The following APP variants were observed in gnomAD, a reference collection of about 807,000 sequenced individuals.
APP encodes the protein amyloid beta precursor protein.
In APP, 31 loss-of-function variants were observed where a neutral mutation model predicts 101.4. The ratio of observed to expected loss-of-function variants is 0.31; its 90% CI spans 0.23 to 0.41. The LOEUF (loss-of-function observed/expected upper bound fraction) is 0.41, where lower values mean the gene tolerates loss of function less well. Among genes scored for constraint, APP ranks in the 10% least tolerant of loss-of-function variants. APP has a pLI of 1.00. For missense variants in APP, 839 were observed against 1,003.7 expected, an observed-to-expected ratio of 0.84 and a Z score of 2.22; for synonymous variants, 366 against 364.4, an observed-to-expected ratio of 1.00 and a Z score of -0.05.
intron 11 of APP, among the ~76,000 whole-genome samples, chr21:25,968,279 C>T (rs1035920524): frequency 1.3e-4 from 19 of 151,374 alleles, no homozygotes; most frequent in Admixed American, 9.2e-4. Flanking sequence ...AGAGTAGCTG[C>T]GACTACAGGC....
intron 2 of APP, among the ~76,000 whole-genome samples, chr21:26,091,855 T>A (rs906693143): frequency 7.2e-5 from 11 of 152,168 alleles, no homozygotes; most frequent in African/African-American, 1.9e-4. Context: ...AACTTCGACC[T>A]GAGAAGGCTA....
intron 2 of APP, among the ~76,000 whole-genome samples, chr21:26,108,741 C>T (rs977828445): frequency 1.3e-5 from 2 of 151,668 alleles, no homozygotes; most frequent in African/African-American, 4.8e-5. Context: ...AAAAAAATCC[C>T]GGCGTGGTGG....
intron 5 of APP, among the ~76,000 whole-genome samples, chr21:26,049,869 T>C (rs992451710): frequency 1.3e-5 from 2 of 152,184 alleles, no homozygotes; most frequent in Non-Finnish European, 2.9e-5. Context: ...ATAAACCTTA[T>C]GGTACTATTT....
chr21:25,908,417 G>A (rs1227553094), intron 14 of APP, among the ~76,000 whole-genome samples: 1 of 152,128 alleles, frequency 6.6e-6, no homozygotes, highest in Non-Finnish European at 1.5e-5. Context: ...ATGATAATGA[G>A]GACTGCATGA....
chr21:25,885,689 C>T (rs7276737), intron 17 of APP, among the ~76,000 whole-genome samples: 26,627 of 152,066 alleles, frequency 0.18, 2,869 homozygotes, highest in African/African-American at 0.31. Flanking sequence ...CTATGACACA[C>T]GCTGAAAAGA....
At position 25,925,388 on chromosome 21, in the gene APP, C is replaced by T. The variant is rs536196017; in HGVS notation, c.1688-13426G>A. 5.9e-5 allele frequency among the ~76,000 whole-genome samples: 9 copies of T among 152,322 alleles called. No homozygotes were observed. In the East Asian group the frequency reaches 1.7e-3, roughly 29 times the overall value. On this transcript the variant is annotated intron_variant, in intron 13 of 17. Transcript: ENST00000346798. ...TGGGAGGCTGGTTCCATGGTTCTTG[C>T]AGTCCCTTCGCTTTGAATCCTTTTG...
At chr21:25,930,505 A>T (rs1479193893) in intron 13 of APP, among the ~76,000 whole-genome samples, 1 of 152,222 alleles carries the variant, frequency 6.6e-6, no homozygotes, top group Admixed American at 6.5e-5. Context: ...ACATCCATAC[A>T]TAGTGAATTT....
intron 13 of APP, among the ~76,000 whole-genome samples, chr21:25,921,085 C>T (rs1271083217): frequency 1.0e-4 from 15 of 144,428 alleles, no homozygotes; most frequent in East Asian, 2.0e-4. Flanking sequence ...CACTCAAAGC[C>T]GCTCAACTAC....
intron 11 of APP, among the ~76,000 whole-genome samples, chr21:25,970,093 T>C (rs1355692971): frequency 6.6e-6 from 1 of 151,960 alleles, no homozygotes; most frequent in African/African-American, 2.4e-5. Context: ...TCAACAACAG[T>C]GATCTGATTT....
intron 5 of APP, among the ~76,000 whole-genome samples, chr21:26,038,696 G>A (rs796078325): frequency 8.5e-5 from 13 of 152,184 alleles, no homozygotes; most frequent in African/African-American, 1.9e-4. Context: ...CTCAGGAGAC[G>A]GAGGTTGCAG....
intron 2 of APP, among the ~76,000 whole-genome samples, chr21:26,094,966 C>A (rs2061908899): frequency 6.6e-6 from 1 of 152,082 alleles, no homozygotes; most frequent in South Asian, 2.1e-4. Context: ...CTGCCTCAGC[C>A]TCCTGAGTAG....
Position 25,949,671 on chromosome 21 carries a change from A to G in APP, c.1687+4919T>C, listed in dbSNP as rs139495976. 5.5e-3 allele frequency among the ~76,000 whole-genome samples: 831 copies of G among 152,302 alleles called. 39 individuals carry two copies. The highest frequency in any genetic ancestry group is 0.047 in the Admixed American group (721 of 15,300). The stretch of plus-strand genomic sequence containing the variant: ...GCTGGATCTTGAGGAGGCAAGGATG[A>G]CCAACATATATCTGGAAGAGTTCAC... On this transcript the variant is annotated intron_variant, in intron 13 of 17. Coordinates refer to ENST00000346798, the MANE Select transcript of APP (RefSeq NM_000484.4).
chr21:26,055,020 A>C (rs1436031569), intron 3 of APP, among the ~76,000 whole-genome samples: 2 of 152,210 alleles, frequency 1.3e-5, no homozygotes, highest in African/African-American at 4.8e-5. Context: ...ATTTAGATAA[A>C]AATCTAAGCA....
intron 15 of APP, among the ~76,000 whole-genome samples, chr21:25,902,220 T>G (rs2038537853): frequency 6.6e-6 from 1 of 152,172 alleles, no homozygotes; most frequent in Non-Finnish European, 1.5e-5. Flanking sequence ...CAACAGTGAT[T>G]ATTCAAAAAC....
intron 1 of APP, among the ~76,000 whole-genome samples, chr21:26,148,114 C>T (rs893528173): frequency 6.6e-6 from 1 of 152,182 alleles, no homozygotes; most frequent in African/African-American, 2.4e-5. Context: ...GAGCATTACC[C>T]ACCATTTCAG....
intron 3 of APP, among the ~76,000 whole-genome samples, chr21:26,056,597 A>AT (rs1355042991): frequency 2.1e-5 from 3 of 144,352 alleles, no homozygotes; most frequent in African/African-American, 7.8e-5. Flanking sequence ...TAGACTGACT[A>AT]TAACAATTGT....
At chr21:25,995,306 A>T (rs559029668) in intron 8 of APP, among the ~76,000 whole-genome samples, 1 of 152,364 alleles carries the variant, frequency 6.6e-6, no homozygotes, top group Non-Finnish European at 1.5e-5. Flanking sequence ...TATTCATGGC[A>T]TTTAGGAAAA....
At chr21:25,907,368 G>GA (rs1569038266) in intron 14 of APP, among the ~76,000 whole-genome samples, 3 of 151,638 alleles carry the variant, frequency 2.0e-5, no homozygotes, top group South Asian at 2.1e-4. Context: ...TATCATTGCC[G>GA]AAAAAAAAGA....
chr21:25,985,418 T>G (rs534153404), intron 8 of APP, among the ~76,000 whole-genome samples: 42 of 152,178 alleles, frequency 2.8e-4, no homozygotes, highest in Non-Finnish European at 5.6e-4. Context: ...CCCGATCTGC[T>G]GAGGGTCTGA....
Sources: gnomAD v4.1 joint callset for allele counts (sites outside exome capture counted in the v4.1 genomes callset) on GRCh38, gnomAD v4.1.1 for gene constraint, MANE v1.5 for transcripts, NCBI Gene and HGNC (gene_info 2026-07-23, HGNC 2026-07-21) for gene names.